The following CFAP74 variants were observed in gnomAD, a reference collection of about 807,000 sequenced individuals.
CFAP74 encodes the protein cilia and flagella associated protein 74, also known as cilia- and flagella-associated protein 74.
A neutral mutation model predicts 188.9 loss-of-function variants in CFAP74; 124 were observed. The ratio of observed to expected loss-of-function variants is 0.66; its 90% CI spans 0.57 to 0.76. CFAP74 has a LOEUF of 0.76. Among genes scored for constraint, CFAP74 ranks in the 30% least tolerant of loss-of-function variants. The pLI, the probability that CFAP74 is intolerant of heterozygous loss-of-function variation, is 0.00. For synonymous variants in CFAP74, 956 were observed against 916.7 expected (o/e 1.04, Z -0.77); for missense variants, 2,198 against 2,165.2 (o/e 1.02, Z -0.30).
chr1:1,979,531 C>T (rs868365411), intron 6 of CFAP74, among the ~76,000 whole-genome samples: 3,824 of 97,796 alleles, frequency 0.039, 554 homozygotes, highest in Non-Finnish European at 0.053. Flanking sequence ...GCGCAGAACA[C>T]GCGTGTGGTA....
In CFAP74 at chr1:1,973,190, G is replaced by C. The variant is rs983600949; in HGVS notation, c.675-143C>G. 4 of 621,524 alleles carry C rather than the reference G, an allele frequency of 6.4e-6. No individual in the cohort carries two copies. In the African/African-American group the frequency reaches 7.4e-5, roughly 11 times the overall value. The allele number at this position is 621,524 out of a possible 1,614,324, so 38.5% of individuals were successfully genotyped here. On this transcript the variant is annotated intron_variant, in intron 7 of 38. Transcript: ENST00000682832. The surrounding 1 kb of genome is among the most constrained non-coding windows in gnomAD (Gnocchi z 6.2). ...TGTCCCGCACAGCCTCCCTTGGGGA[G>C]GAGCGAGGGTCCCTGGAGAGCTGAT... is the stretch of plus-strand genomic sequence containing the variant.
chr1:1,966,837 A>AT (rs756219387), intron 11 of CFAP74, among the ~76,000 whole-genome samples: 2,967 of 135,674 alleles, frequency 0.022, 87 homozygotes, highest in East Asian at 0.087. Context: ...ATCTGTTCTC[A>AT]TTTTTTTTTT....
intron 11 of CFAP74, among the ~76,000 whole-genome samples, chr1:1,967,628 C>T (rs1205225017): frequency 2.0e-5 from 3 of 152,080 alleles, no homozygotes; most frequent in South Asian, 2.1e-4. Flanking sequence ...TGAAGGGCAC[C>T]GCAGAGACCC....
At chr1:1,952,588 GAAAAAGAAAGAA>G (rs2102057643) in intron 18 of CFAP74, among the ~76,000 whole-genome samples, 1 of 115,822 alleles carries the variant, frequency 8.6e-6, no homozygotes, top group East Asian at 2.4e-4. Context: ...AAGAAGCAAA[GAAAAAGAAAGAA>G]AGAAAGAAAG....
chr1:1,964,391 C>A (rs1349851932), intron 13 of CFAP74, among the ~76,000 whole-genome samples: 1 of 152,252 alleles, frequency 6.6e-6, no homozygotes, highest in Non-Finnish European at 1.5e-5. Flanking sequence ...GACTGGCGTC[C>A]AGCCCTCCAT....
chr1:1,964,917 T>C lies in CFAP74; in HGVS notation c.1546A>G (p.Asn516Asp), dbSNP rs1655359785. 6 of 1,613,718 alleles carry C rather than the reference T, an allele frequency of 3.7e-6. No homozygotes were observed. The highest frequency in any genetic ancestry group is 1.3e-5 in the African/African-American group (1 of 74,942). ...AAGTGGAGGAGCTCCGGTTTGCTGT[T>C]GAAGGGGCGTCCTTGGAACTCACGC... ...WGREFQGRPF[N>D]SKPELLHFQD... The change falls in exon 13 of 39, where the codon AAC (asparagine) becomes GAC (aspartate). Residue 516 changes from asparagine to aspartate, a missense_variant. By Grantham distance (23) the Asn-to-Asp change is conservative (BLOSUM62 1). Coordinates refer to ENST00000682832, the MANE Select transcript of CFAP74 (RefSeq NM_001304360.2).
At chr1:1,939,038 A>C in intron 24 of CFAP74, 50 bp from the exon 25 acceptor site, 2 of 1,518,728 alleles carry the variant, frequency 1.3e-6, no homozygotes, top group South Asian at 2.4e-5. Flanking sequence ...GACCATGTGG[A>C]CACACGTGCG....
rs774825993 is a variant in CFAP74 at position 1,928,844 on chromosome 1, G to A, written c.3327C>T (p.Pro1109=). Residue 1109 remains proline, a synonymous_variant, in exon 27 of 39, where the codon CCC becomes CCT. Coordinates refer to ENST00000682832, the MANE Select transcript of CFAP74 (RefSeq NM_001304360.2). The part of the protein sequence containing the change: ...LVQVAFRPVL[P]EKLIRQEALP... ...GGGCTTCCTGGCGGATCAGCTTCTCGGGCAGCACTGGCCGGAAGGCCACCT... is the reference window on the plus strand; with the variant it reads ...GGGCTTCCTGGCGGATCAGCTTCTCAGGCAGCACTGGCCGGAAGGCCACCT... 1.8e-5 allele frequency: 27 copies of A among 1,535,502 alleles called. No individual in the cohort carries two copies. The highest frequency in any genetic ancestry group is 2.7e-5 in the African/African-American group (2 of 73,028).
intron 18 of CFAP74, chr1:1,953,629 G>T (rs1231517149): frequency 1.3e-5 from 2 of 153,622 alleles, no homozygotes; most frequent in African/African-American, 4.8e-5. Context: ...ACAACGAATG[G>T]ATCGAATGGG....
In CFAP74 at chr1:1,937,945, C is replaced by T. The variant is rs193136136; in HGVS notation, c.3011+910G>A. Among the ~76,000 whole-genome samples, 440 of 149,028 alleles carry T rather than the reference C, an allele frequency of 3.0e-3. 3 individuals carry two copies. Among genetic ancestry groups the T allele is most frequent in the South Asian group, 0.023 (108 of 4,688 alleles). On this transcript the variant is annotated intron_variant, in intron 25 of 38. Coordinates refer to ENST00000682832, the MANE Select transcript of CFAP74 (RefSeq NM_001304360.2). ...ATGCACACACACAGTCTCACATAAA[C>T]GCACTCATACACATGTACACACATG...
chr1:1,963,852 T>G lies in CFAP74; in HGVS notation c.1591A>C (p.Lys531Gln). 2 of 1,613,172 alleles carry G rather than the reference T, an allele frequency of 1.2e-6. No individual in the cohort carries two copies. The highest frequency in any genetic ancestry group is 1.7e-6 in the Non-Finnish European group (2 of 1,179,312). The change falls in exon 14 of 39, where the codon AAA becomes CAA. Residue 531 changes from lysine (K) to glutamine (Q), a missense_variant. Lys to Gln is a moderately conservative substitution (Grantham distance 53). Transcript: ENST00000682832. ...LLHFQDFDIG[K>Q]VYKKKITLVN... is the part of the protein sequence containing the mutation. ...AACGTGATCTTTTTCTTGTACACTT[T>G]GCCAATATCAAAGTCCTGGGAAAGG...
At chr1:1,927,572 A>C in intron 28 of CFAP74, 35 bp downstream of exon 28, 1 of 1,535,338 alleles carries the variant, frequency 6.5e-7, no homozygotes, top group South Asian at 1.2e-5. Flanking sequence ...AGGGGCCTGG[A>C]GGGAAGCAGG....
Position 1,930,041 on chromosome 1 carries a change from A to C in CFAP74, c.3288+19T>G. ...GTGGAGCTCCTGCTTCCCAGCCTGC[A>C]TGTGGGGCCCACACCCACCTTTCCT... On this transcript the variant is annotated intron_variant, in intron 26 of 38. Coordinates refer to ENST00000682832, the MANE Select transcript of CFAP74 (RefSeq NM_001304360.2). 1 of 1,494,358 alleles carries C rather than the reference A, an allele frequency of 6.7e-7. No homozygotes were observed. Among genetic ancestry groups the C allele is most frequent in the Non-Finnish European group, 8.9e-7 (1 of 1,120,542 alleles). 92.6% of individuals were successfully genotyped at this position (1,494,358 alleles called of 1,614,324 possible).
chr1:1,938,474 A>G (rs1653101593), intron 25 of CFAP74, among the ~76,000 whole-genome samples: 1 of 113,644 alleles, frequency 8.8e-6, no homozygotes, highest in African/African-American at 3.8e-5. Context: ...TCACACACAC[A>G]CAGGCTCACA....
chr1:1,961,099 G>C (rs887418934), intron 14 of CFAP74, among the ~76,000 whole-genome samples: 10 of 152,156 alleles, frequency 6.6e-5, no homozygotes, highest in Admixed American at 2.0e-4. Flanking sequence ...GCACTAAGGG[G>C]ACAAGTGGTG....
chr1:1,951,269 A>T (rs889099792), intron 18 of CFAP74, among the ~76,000 whole-genome samples: 2 of 151,994 alleles, frequency 1.3e-5, no homozygotes, highest in African/African-American at 4.8e-5. Flanking sequence ...CATGGGGAAA[A>T]CCTCTCCCAT....
At chr1:1,945,975 T>G (rs1188526347) in intron 20 of CFAP74, among the ~76,000 whole-genome samples, 9 of 134,804 alleles carry the variant, frequency 6.7e-5, no homozygotes, top group South Asian at 5.0e-4. Context: ...TTTGTGCGTG[T>G]GGGGGGGGCT....
chr1:1,927,403 G>C (rs765685856), intron 28 of CFAP74: 1 of 606,524 alleles, frequency 1.6e-6, no homozygotes, highest in Non-Finnish European at 2.9e-6. Context: ...GAGGCTGTGT[G>C]CAGGGGTGTC....
intron 20 of CFAP74, among the ~76,000 whole-genome samples, chr1:1,945,489 C>A (rs546646893): frequency 6.6e-6 from 1 of 152,126 alleles, no homozygotes; most frequent in Non-Finnish European, 1.5e-5. Context: ...CGCCCCAGCC[C>A]ATGCGGGTGC....
Sources: allele counts gnomAD v4.1 joint callset (sites outside exome capture counted in the v4.1 genomes callset), GRCh38; gene constraint gnomAD v4.1.1; non-coding constraint Gnocchi (gnomAD v3.1); transcripts MANE v1.5; gene names NCBI Gene and HGNC (gene_info 2026-07-23, HGNC 2026-07-21).